Variants in PPP2R2B observed in about 807,000 individuals in gnomAD.
The protein encoded by PPP2R2B is serine/threonine-protein phosphatase 2A 55 kDa regulatory subunit B beta isoform.
In PPP2R2B, 5 loss-of-function variants were observed where a neutral mutation model predicts 46.0. The ratio of observed to expected loss-of-function variants is 0.11; its 90% CI spans 0.06 to 0.23. PPP2R2B has a LOEUF of 0.23. PPP2R2B is among the 10% of genes least tolerant of loss of function. The pLI is 1.00. For missense variants in PPP2R2B, 367 were observed against 575.0 expected, an observed-to-expected ratio of 0.64 and a Z score of 3.70; for synonymous variants, 215 against 206.7, an observed-to-expected ratio of 1.04 and a Z score of -0.34.
chr5:147,061,678 A>C (rs6888741), intron 2 of PPP2R2B, among the ~76,000 whole-genome samples: 6,102 of 152,154 alleles, frequency 0.04, 184 homozygotes, highest in African/African-American at 0.081. Context: ...GAGAGGTGGG[A>C]AGCTACAGAT....
chr5:146,906,306 CATTTATTT>C (rs35217325), intron 1 of PPP2R2B, among the ~76,000 whole-genome samples: 21 of 149,166 alleles, frequency 1.4e-4, no homozygotes, highest in African/African-American at 1.5e-4. Flanking sequence ...TACCATTTTC[CATTTATTT>C]ATTTATTTAT....
upstream of PPP2R2B, among the ~76,000 whole-genome samples, chr5:146,881,250 G>C (rs976422849): frequency 6.6e-6 from 1 of 151,906 alleles, no homozygotes; most frequent in East Asian, 1.9e-4. Context: ...TCCCTGCTTC[G>C]TTGAGGCATT....
chr5:146,675,985 T>C (rs987332519), intron 5 of PPP2R2B, among the ~76,000 whole-genome samples: 1 of 152,084 alleles, frequency 6.6e-6, no homozygotes, highest in East Asian at 1.9e-4. Context: ...TCAGGTTCTA[T>C]GACCCTCCAA....
chr5:146,954,253 T>C (rs1220714330), intron 1 of PPP2R2B, among the ~76,000 whole-genome samples: 2 of 152,256 alleles, frequency 1.3e-5, no homozygotes, highest in South Asian at 4.1e-4. Context: ...ATGAGGATAC[T>C]TTAATACAAC....
At position 146,635,840 on chromosome 5, in the gene PPP2R2B, T is replaced by A. The variant is rs113201475; in HGVS notation, c.790+2411A>T. The stretch of plus-strand genomic sequence containing the variant: ...TCTGCTTATGTGTCAGGGGTTCATA[T>A]AATGTGACCAAGTCAGATTCAGTTC... On this transcript the variant is annotated intron_variant, in intron 7 of 9. Coordinates refer to ENST00000394411, the MANE Select transcript of PPP2R2B (RefSeq NM_181675.4). 7.0e-3 allele frequency among the ~76,000 whole-genome samples: 1,066 copies of A among 152,354 alleles called. 16 individuals are homozygous for A. Among genetic ancestry groups the A allele is most frequent in the African/African-American group, 0.024 (1,012 of 41,582 alleles).
chr5:147,079,838 A>C (rs1009097916), intron 2 of PPP2R2B, among the ~76,000 whole-genome samples: 9 of 152,144 alleles, frequency 5.9e-5, no homozygotes, highest in Non-Finnish European at 7.4e-5. Flanking sequence ...AGGATTTTGA[A>C]TCTTCTCACC....
chr5:146,608,685 C>T (rs534657370), intron 7 of PPP2R2B, among the ~76,000 whole-genome samples: 1 of 152,200 alleles, frequency 6.6e-6, no homozygotes, highest in African/African-American at 2.4e-5. Flanking sequence ...GTCCCAGCTA[C>T]CTGGGAGAAG....
chr5:146,994,033 G>A (rs1458165398), intron 1 of PPP2R2B, among the ~76,000 whole-genome samples: 2 of 152,150 alleles, frequency 1.3e-5, no homozygotes, highest in African/African-American at 4.8e-5. Context: ...TAGCTAAGCA[G>A]GTTGTGGCTT....
intron 1 of PPP2R2B, among the ~76,000 whole-genome samples, chr5:146,911,458 C>A (rs1373118227): frequency 1.3e-5 from 2 of 152,120 alleles, no homozygotes; most frequent in Non-Finnish European, 2.9e-5. Flanking sequence ...TCTCTCTATG[C>A]CACTAGATGC....
intron 1 of PPP2R2B, among the ~76,000 whole-genome samples, chr5:146,911,321 A>G (rs571941580): frequency 7.5e-4 from 114 of 152,212 alleles, no homozygotes; most frequent in Non-Finnish European, 1.5e-3. Flanking sequence ...TGACCTTGTG[A>G]TCCTCCCACC....
intron 1 of PPP2R2B, among the ~76,000 whole-genome samples, chr5:146,938,628 G>C (rs1254976960): frequency 6.6e-6 from 1 of 151,820 alleles, no homozygotes; most frequent in Non-Finnish European, 1.5e-5. Context: ...GTTTACATAG[G>C]AATTAAAATC....
chr5:146,774,067 G>A (rs1755028804), intron 2 of PPP2R2B, among the ~76,000 whole-genome samples: 1 of 152,140 alleles, frequency 6.6e-6, no homozygotes, highest in Non-Finnish European at 1.5e-5. Context: ...GAATTCTGTG[G>A]ACTTATAAGC....
intron 2 of PPP2R2B, among the ~76,000 whole-genome samples, chr5:146,848,032 A>G (rs1561955936): frequency 6.6e-6 from 1 of 152,180 alleles, no homozygotes; most frequent in African/African-American, 2.4e-5. Context: ...TAGATGCCAC[A>G]TCATGTTTTT....
chr5:146,793,533 T>C (rs1756342846), intron 2 of PPP2R2B, among the ~76,000 whole-genome samples: 1 of 152,164 alleles, frequency 6.6e-6, no homozygotes, highest in Admixed American at 6.5e-5. Flanking sequence ...GTTATTTTTA[T>C]CCTAATTTTA....
At chr5:146,733,818 T>G (rs1400912230) in intron 2 of PPP2R2B, among the ~76,000 whole-genome samples, 2 of 152,180 alleles carry the variant, frequency 1.3e-5, no homozygotes, top group African/African-American at 2.4e-5. Context: ...CTTTGCAATA[T>G]ATGTGCTGGA....
At chr5:146,830,246 T>C (rs1482226069) in intron 2 of PPP2R2B, among the ~76,000 whole-genome samples, 2 of 152,198 alleles carry the variant, frequency 1.3e-5, no homozygotes, top group South Asian at 2.1e-4. Flanking sequence ...AGGCTAATCA[T>C]AGATATGCCA....
intron 1 of PPP2R2B, among the ~76,000 whole-genome samples, chr5:146,990,396 TAGAA>T (rs1379768697): frequency 6.6e-6 from 1 of 151,846 alleles, no homozygotes; most frequent in Non-Finnish European, 1.5e-5. Flanking sequence ...TGGAACAAAA[TAGAA>T]AGCCCAGAAA....
intron 5 of PPP2R2B, among the ~76,000 whole-genome samples, chr5:146,686,619 T>TTCA (rs61468966): frequency 0.13 from 20,145 of 151,884 alleles, 1,798 homozygotes; most frequent in East Asian, 0.41. Context: ...AAAAATTGTA[T>TTCA]TCATCACATC....
chr5:146,760,767 A>G (rs983981180), intron 2 of PPP2R2B, among the ~76,000 whole-genome samples: 4 of 152,086 alleles, frequency 2.6e-5, no homozygotes, highest in Admixed American at 6.6e-5. Context: ...CCCACCCTTG[A>G]CTCGCATAGT....
Sources: allele counts gnomAD v4.1 joint callset (sites outside exome capture counted in the v4.1 genomes callset), GRCh38; gene constraint gnomAD v4.1.1; transcripts MANE v1.5; gene names NCBI Gene and HGNC (gene_info 2026-07-23, HGNC 2026-07-21).